The following DIP2C variants were observed in gnomAD, a reference collection of about 807,000 sequenced individuals.
DIP2C encodes the protein disco-interacting protein 2 homolog C.
Under a neutral mutation model 192.4 loss-of-function variants are expected in DIP2C, and 33 were observed. That is an observed-to-expected ratio of 0.17 (90% CI 0.13 to 0.23). The LOEUF is 0.23. Ranked by LOEUF, DIP2C falls within the 10% of genes least tolerant of loss-of-function variation. The pLI, the probability that DIP2C is intolerant of heterozygous loss-of-function variation, is 1.00. For synonymous variants in DIP2C, 979 were observed against 864.1 expected, an observed-to-expected ratio of 1.13 and a Z score of -2.33; for missense variants, 1,537 against 2,110.1, an observed-to-expected ratio of 0.73 and a Z score of 5.32.
intron 4 of DIP2C, among the ~76,000 whole-genome samples, chr10:434,050 G>A (rs1966977118): frequency 6.6e-6 from 1 of 151,876 alleles, no homozygotes. Context: ...ACACTATACT[G>A]CTTTCTGGAT....
intron 1 of DIP2C, among the ~76,000 whole-genome samples, chr10:496,694 T>C (rs923121566): frequency 1.3e-5 from 2 of 151,388 alleles, no homozygotes; most frequent in African/African-American, 4.9e-5. Flanking sequence ...TTACTCGCAA[T>C]ACCCCAAACA....
At chr10:551,048 C>G (rs11253149) in intron 1 of DIP2C, among the ~76,000 whole-genome samples, 174 of 152,228 alleles carry the variant, frequency 1.1e-3, no homozygotes, top group African/African-American at 4.1e-3. Flanking sequence ...GACACTGTGG[C>G]TCTGGTACAT....
chr10:628,374 C>T (rs705485), intron 1 of DIP2C, among the ~76,000 whole-genome samples: 150,475 of 152,350 alleles, frequency 0.99, 74,337 homozygotes, highest in Middle Eastern at 1. Context: ...TATCCAATTA[C>T]TTAAAAAATA....
intron 7 of DIP2C, 132 bp downstream of exon 7, chr10:415,637 T>C (rs1398759853): frequency 3.2e-6 from 4 of 1,255,888 alleles, no homozygotes; most frequent in South Asian, 1.4e-5. Context: ...GCTCCCTACC[T>C]GGGTTCCCAT....
At position 399,701 on chromosome 10, in the gene DIP2C, G is replaced by C. The variant is rs933253393; in HGVS notation, c.1150-482C>G. Among the ~76,000 whole-genome samples, 5 of 152,208 alleles carry C rather than the reference G, an allele frequency of 3.3e-5. 1 individual carries two copies. Among genetic ancestry groups the C allele is most frequent in the Non-Finnish European group, 5.9e-5 (4 of 68,048 alleles). ...GAAAAGTGAGAATAATGATAGAGCT[G>C]ATGTCTTAATGCGGTGGTCAAGGTC... On this transcript the variant is annotated intron_variant, in intron 9 of 36. Transcript: ENST00000280886.
chr10:668,635 A>G (rs2132127689), intron 1 of DIP2C: 1 of 152,410 alleles, frequency 6.6e-6, no homozygotes, highest in Non-Finnish European at 1.5e-5. Context: ...CATGCCACTC[A>G]CATACAACAC....
intron 31 of DIP2C, among the ~76,000 whole-genome samples, chr10:323,797 C>T (rs749465993): frequency 3.0e-4 from 45 of 152,158 alleles, no homozygotes; most frequent in Non-Finnish European, 4.9e-4. Flanking sequence ...TATTAGGACT[C>T]ATGAGCAGTG....
intron 1 of DIP2C, among the ~76,000 whole-genome samples, chr10:507,225 T>G (rs1845664122): frequency 6.6e-6 from 1 of 151,380 alleles, no homozygotes; most frequent in South Asian, 2.1e-4. Context: ...GGTCACCCGC[T>G]GTGCACAGAG....
chr10:471,500 G>A (rs1339394538), intron 3 of DIP2C, among the ~76,000 whole-genome samples: 1 of 152,094 alleles, frequency 6.6e-6, no homozygotes, highest in Non-Finnish European at 1.5e-5. Context: ...TGACACAGAA[G>A]ACAACAGTCA....
At chr10:482,760 C>G (rs188340692) in intron 2 of DIP2C, among the ~76,000 whole-genome samples, 100 of 152,296 alleles carry the variant, frequency 6.6e-4, no homozygotes, top group Admixed American at 3.1e-3. Context: ...GCCTTGTTAT[C>G]CAAGTCGACA....
rs140241218 is a variant in DIP2C, at chr10:325,121, T to C, written c.3924+1885A>G. Reference sequence around the variant, plus strand: ...TCTACTAAAAATACAAAAAATTAGCTGCGCTTGGTGGCGAGCACCTGTAGT... The same window carrying C: ...TCTACTAAAAATACAAAAAATTAGCCGCGCTTGGTGGCGAGCACCTGTAGT... On this transcript the variant is annotated intron_variant, in intron 31 of 36. Coordinates refer to ENST00000280886, the MANE Select transcript of DIP2C (RefSeq NM_014974.3). The C allele has an allele frequency of 7.3e-3, 2,570 of 353,576 alleles. 56 individuals carry two copies. Among genetic ancestry groups the C allele is most frequent in the African/African-American group, 0.051 (2,371 of 46,796 alleles). The allele number at this position is 353,576 out of a possible 1,614,324, so 21.9% of individuals were successfully genotyped here.
rs1954939265 is a variant in DIP2C, at chr10:283,335, T to C, written c.4231A>G (p.Ile1411Val). The C allele has an allele frequency of 1.2e-6, 2 of 1,614,144 alleles. No homozygotes were observed. The highest frequency in any genetic ancestry group is 1.7e-6 in the Non-Finnish European group (2 of 1,180,004). Reference sequence around the variant, plus strand: ...CCCAAGTAGCCTGTGCGTGCCCAGATGGTCTGGGTGTCTCCAAAACTTAGT... The same window carrying C: ...CCCAAGTAGCCTGTGCGTGCCCAGACGGTCTGGGTGTCTCCAAAACTTAGT... ...SRLSFGDTQT[I>V]WARTGYLGFL... Residue 1411 changes from isoleucine (I) to valine (V), a missense_variant, in exon 35 of 37, where the codon ATC becomes GTC. Ile to Val is a conservative substitution (Grantham distance 29). Around this residue, in one of 4 missense-constraint regions of DIP2C, gnomAD observed 341 missense variants for 551.7 expected, o/e 0.62. Coordinates refer to ENST00000280886, the MANE Select transcript of DIP2C (RefSeq NM_014974.3).
rs114536742 is a variant in DIP2C, at chr10:611,559, C to T, written c.85+77935G>A. ...TCTTACCACCTTTCTCAGAGAAACC[C>T]CACCTCTGAAACAGCCTCCCACCAG... On this transcript the variant is annotated intron_variant, in intron 1 of 36. Transcript: ENST00000280886. Among the ~76,000 whole-genome samples the T allele has an allele frequency of 2.5e-3, 379 of 152,268 alleles. 1 individual carries two copies. Among genetic ancestry groups the T allele is most frequent in the Middle Eastern group, 0.01 (3 of 294 alleles).
chr10:619,612 T>C (rs1433101371), intron 1 of DIP2C, among the ~76,000 whole-genome samples: 1 of 137,354 alleles, frequency 7.3e-6, no homozygotes, highest in East Asian at 2.4e-4. Context: ...GTGTCACCTG[T>C]GCAAGGGGTA....
rs371144543 is a variant in DIP2C, at chr10:568,714, C to T, written c.86-82184G>A. Among the ~76,000 whole-genome samples, 55 of 127,708 alleles carry T rather than the reference C, an allele frequency of 4.3e-4. No individual in the cohort carries two copies. The East Asian group carries it at 9.3e-3, about 22-fold the overall frequency. 83.8% of individuals were successfully genotyped at this position (127,708 alleles called of 152,430 possible). On this transcript the variant is annotated intron_variant, in intron 1 of 36. Transcript: ENST00000280886. ...CCGGGAGGCGGAGCTTGCAGTGAGT[C>T]GAGATCGCGCCACTGCGCTCCAGCC...
At chr10:598,815 T>C (rs1851877038) in intron 1 of DIP2C, among the ~76,000 whole-genome samples, 1 of 152,138 alleles carries the variant, frequency 6.6e-6, no homozygotes, top group Admixed American at 6.5e-5. Context: ...CAGCCCGGAG[T>C]GGGTCATGGG....
At chr10:446,658 TGTG>T (rs1374431692) in intron 3 of DIP2C, among the ~76,000 whole-genome samples, 1 of 152,180 alleles carries the variant, frequency 6.6e-6, no homozygotes, top group Non-Finnish European at 1.5e-5. Flanking sequence ...GACACCCAAC[TGTG>T]GGCAGAGCGC....
chr10:647,424 A>AT (rs1855517581), intron 1 of DIP2C, among the ~76,000 whole-genome samples: 1 of 150,862 alleles, frequency 6.6e-6, no homozygotes, highest in South Asian at 2.1e-4. Context: ...ACAGAGCGAA[A>AT]TTGAGTCCAC....
At chr10:365,033 A>T (rs762089207) in intron 19 of DIP2C, 1 of 529,718 alleles carries the variant, frequency 1.9e-6, no homozygotes, top group Non-Finnish European at 3.9e-6. Context: ...TGAAAAGAAA[A>T]ATATTAAGGA....
Sources: gnomAD v4.1 joint callset for allele counts (sites outside exome capture counted in the v4.1 genomes callset) on GRCh38, gnomAD v4.1.1 for gene constraint, gnomAD v4.1.1 regional missense constraint, MANE v1.5 for transcripts, NCBI Gene and HGNC (gene_info 2026-07-23, HGNC 2026-07-21) for gene names.